CPE: variants seen among roughly 807,000 people sequenced by gnomAD.
CPE encodes carboxypeptidase E.
Under a neutral mutation model 53.5 loss-of-function variants are expected in CPE, and 17 were observed. The ratio of observed to expected loss-of-function variants is 0.32; its 90% CI spans 0.22 to 0.48. The LOEUF (loss-of-function observed/expected upper bound fraction) is 0.48. Among genes scored for constraint, CPE ranks in the 20% least tolerant of loss-of-function variants. The probability of loss-of-function intolerance (pLI) is 0.99; values close to 1 mark genes in which losing one functional copy is unlikely to be tolerated. For missense variants in CPE, 524 were observed against 614.7 expected, an observed-to-expected ratio of 0.85 and a Z score of 1.56; for synonymous variants, 226 against 228.8, an observed-to-expected ratio of 0.99 and a Z score of 0.11.
chr4:165,382,105 A>G (rs28372351), intron 1 of CPE, among the ~76,000 whole-genome samples: 67,767 of 127,238 alleles, frequency 0.53, 19,122 homozygotes, highest in African/African-American at 0.69. Flanking sequence ...AAAGACAGTA[A>G]GGTCAGCAGG....
At chr4:165,434,208 A>G (rs571028207) in intron 1 of CPE, among the ~76,000 whole-genome samples, 100 of 152,240 alleles carry the variant, frequency 6.6e-4, no homozygotes, top group Non-Finnish European at 1.2e-3. Flanking sequence ...GTCAACTCCC[A>G]GGGTCAGGGA....
intron 1 of CPE, among the ~76,000 whole-genome samples, chr4:165,410,579 A>C (rs1186034777): frequency 6.6e-6 from 1 of 152,222 alleles, no homozygotes; most frequent in African/African-American, 2.4e-5. Flanking sequence ...AAGTCCTGTA[A>C]GTTTGCAGCT....
chr4:165,495,134 C>A (rs1732684644), intron 7 of CPE, among the ~76,000 whole-genome samples: 1 of 152,160 alleles, frequency 6.6e-6, no homozygotes, highest in African/African-American at 2.4e-5. Context: ...TAACTAGGAC[C>A]TCAGAGATCC....
chr4:165,438,009 GT>G (rs1731541627), intron 1 of CPE, among the ~76,000 whole-genome samples: 1 of 152,148 alleles, frequency 6.6e-6, no homozygotes, highest in Non-Finnish European at 1.5e-5. Context: ...GTTGCCTAGT[GT>G]TTAGATTAAG....
chr4:165,403,638 G>T (rs1450280832), intron 1 of CPE, among the ~76,000 whole-genome samples: 1 of 151,470 alleles, frequency 6.6e-6, no homozygotes, highest in African/African-American at 2.4e-5. Flanking sequence ...GATGTTGAAA[G>T]CCTCTTGTAA....
At chr4:165,439,327 A>G (rs1457832735) in intron 1 of CPE, among the ~76,000 whole-genome samples, 7 of 152,216 alleles carry the variant, frequency 4.6e-5, no homozygotes, top group Admixed American at 6.5e-5. Context: ...GATCACGTGA[A>G]AGAGAAATGG....
At chr4:165,464,985 T>G (rs1248639179) in intron 2 of CPE, among the ~76,000 whole-genome samples, 1 of 152,208 alleles carries the variant, frequency 6.6e-6, no homozygotes. Context: ...CACAGCGCCC[T>G]CTACTGAATT....
chr4:165,403,459 G>A lies in CPE; in HGVS notation c.307+23931G>A, dbSNP rs1227678869. Among the ~76,000 whole-genome samples the A allele has an allele frequency of 2.0e-5, 3 of 152,158 alleles. No homozygotes were observed. The East Asian group carries it at 5.8e-4, about 29-fold the overall frequency. ...GAGTGGTATGGAAAATGTTAGAGCA[G>A]TCTATTTTTGTAAAATCTGGAAGTT... On this transcript the variant is annotated intron_variant, in intron 1 of 8. Coordinates refer to ENST00000402744, the MANE Select transcript of CPE (RefSeq NM_001873.4).
At chr4:165,441,381 G>A (rs1330343746) in intron 1 of CPE, among the ~76,000 whole-genome samples, 3 of 152,108 alleles carry the variant, frequency 2.0e-5, no homozygotes, top group African/African-American at 7.2e-5. Context: ...CTGTGACATA[G>A]TACGTCCCAG....
At chr4:165,422,454 C>A (rs905030102) in intron 1 of CPE, among the ~76,000 whole-genome samples, 4 of 151,740 alleles carry the variant, frequency 2.6e-5, no homozygotes, top group Non-Finnish European at 5.9e-5. Flanking sequence ...TCTGAGTAAC[C>A]CTTTGAACAA....
At chr4:165,409,401 G>A (rs771495748) in intron 1 of CPE, among the ~76,000 whole-genome samples, 11 of 152,120 alleles carry the variant, frequency 7.2e-5, no homozygotes, top group Admixed American at 6.5e-4. Context: ...ACAGGGTTTC[G>A]CCATGTTGGC....
At chr4:165,384,255 A>G (rs921013770) in intron 1 of CPE, among the ~76,000 whole-genome samples, 1 of 152,226 alleles carries the variant, frequency 6.6e-6, no homozygotes, top group Non-Finnish European at 1.5e-5. Flanking sequence ...TTGTATATTG[A>G]AAGACCTAAC....
intron 1 of CPE, among the ~76,000 whole-genome samples, chr4:165,426,468 T>C (rs892913436): frequency 1.3e-5 from 2 of 152,250 alleles, no homozygotes; most frequent in African/African-American, 4.8e-5. Flanking sequence ...CCAGGAGCAG[T>C]ATCACATCAG....
intron 1 of CPE, among the ~76,000 whole-genome samples, chr4:165,429,593 T>C (rs1483924904): frequency 6.6e-6 from 1 of 151,888 alleles, no homozygotes; most frequent in Non-Finnish European, 1.5e-5. Context: ...TCCCAGCGAC[T>C]CCAGAGGCTG....
At chr4:165,495,955 TTA>T (rs572579843) in intron 8 of CPE, among the ~76,000 whole-genome samples, 18 of 152,346 alleles carry the variant, frequency 1.2e-4, no homozygotes, top group Non-Finnish European at 1.8e-4. Flanking sequence ...CTCAATGGGA[TTA>T]TGTTTCATTT....
rs556497226 is a variant in CPE at position 165,466,340 on chromosome 4, C to T, written c.505-1348C>T. 2.6e-5 allele frequency among the ~76,000 whole-genome samples: 4 copies of T among 152,202 alleles called. No individual in the cohort carries two copies. The South Asian group carries it at 8.3e-4, about 32-fold the overall frequency. ...CAGTACCTTTGGACAGGGCTTTTAC[C>T]ATGAATGGAGCCAGAAGTTGCTCTG... On this transcript the variant is annotated intron_variant, in intron 2 of 8. Coordinates refer to ENST00000402744, the MANE Select transcript of CPE (RefSeq NM_001873.4).
intron 1 of CPE, among the ~76,000 whole-genome samples, chr4:165,461,499 A>G (rs945909694): frequency 6.6e-6 from 1 of 151,922 alleles, no homozygotes; most frequent in African/African-American, 2.4e-5. Flanking sequence ...AGGTGACCTG[A>G]GGAGGGTTGC....
intron 3 of CPE, among the ~76,000 whole-genome samples, chr4:165,474,179 C>T (rs149106120): frequency 9.2e-5 from 14 of 152,294 alleles, no homozygotes; most frequent in African/African-American, 2.9e-4. Context: ...TGCATTTTTC[C>T]TTCTCCTTAT....
chr4:165,415,763 T>TA (rs1457002787), intron 1 of CPE, among the ~76,000 whole-genome samples: 2 of 151,720 alleles, frequency 1.3e-5, no homozygotes, highest in African/African-American at 2.4e-5. Context: ...TACATATATA[T>TA]TACATACATA....
Sources: allele counts gnomAD v4.1 joint callset (sites outside exome capture counted in the v4.1 genomes callset), GRCh38; gene constraint gnomAD v4.1.1; transcripts MANE v1.5; gene names NCBI Gene and HGNC (gene_info 2026-07-23, HGNC 2026-07-21).